The following LHCGR variants were observed in gnomAD, a reference collection of about 807,000 sequenced individuals.
LHCGR encodes lutropin-choriogonadotropic hormone receptor.
Under a neutral mutation model 60.7 loss-of-function variants are expected in LHCGR, and 55 were observed. The observed-to-expected ratio is 0.91, with a 90% CI of 0.73 to 1.13. The LOEUF (loss-of-function observed/expected upper bound fraction) is 1.13, where lower values mean the gene tolerates loss of function less well. Ranked by LOEUF, LHCGR falls within the 50% of genes most tolerant of loss-of-function variation. The probability of loss-of-function intolerance (pLI) is 0.00; values close to 1 mark genes in which losing one functional copy is unlikely to be tolerated. For missense variants in LHCGR, 862 were observed against 836.0 expected (o/e 1.03, Z -0.38); for synonymous variants, 337 against 316.5 (o/e 1.06, Z -0.69).
chr2:48,750,758 G>A (rs143404929), intron 1 of LHCGR, among the ~76,000 whole-genome samples: 1 of 152,282 alleles, frequency 6.6e-6, no homozygotes, highest in African/African-American at 2.4e-5. Context: ...TTCTTCAGGT[G>A]GTTCTTACTC....
At chr2:48,725,884 G>A (rs929893807) in intron 3 of LHCGR, 134 bp from the exon 4 acceptor site, 1 of 744,372 alleles carries the variant, frequency 1.3e-6, no homozygotes, top group East Asian at 2.6e-5. Flanking sequence ...ATATGCTTGG[G>A]AGGACCCCTA....
chr2:48,728,464 T>G (rs933727220), intron 3 of LHCGR, among the ~76,000 whole-genome samples: 1 of 152,174 alleles, frequency 6.6e-6, no homozygotes, highest in African/African-American at 2.4e-5. Context: ...AAAGCAGCAG[T>G]AGGGGGCCTG....
At chr2:48,729,351 A>G (rs1668885070) in intron 2 of LHCGR, 124 bp from the exon 3 acceptor site, 1 of 772,494 alleles carries the variant, frequency 1.3e-6, no homozygotes, top group Non-Finnish European at 2.3e-6. Flanking sequence ...TGAAAAGAAC[A>G]AAGATGTGCA....
Position 48,698,814 on chromosome 2 carries a change from G to A in LHCGR, c.681-14C>T, listed in dbSNP as rs760025072. On this transcript the variant is annotated splice_polypyrimidine_tract_variant and intron_variant, in intron 8 of 10. Transcript: ENST00000294954. ...GAAGAAATATCCCTGAACAATAAAG[G>A]GGAGAAATGCTTTTTATTTATTTAT... The A allele has an allele frequency of 6.2e-7, 1 of 1,602,148 alleles. No individual in the cohort carries two copies. Among genetic ancestry groups the A allele is most frequent in the East Asian group, 2.2e-5 (1 of 44,712 alleles).
chr2:48,699,507 C>G (rs1305663333), intron 8 of LHCGR, among the ~76,000 whole-genome samples: 1 of 152,176 alleles, frequency 6.6e-6, no homozygotes, highest in Non-Finnish European at 1.5e-5. Flanking sequence ...CTTTTGTGCT[C>G]TACCCCAGGG....
At position 48,694,962 on chromosome 2, in the gene LHCGR, C is replaced by G. The variant is rs180843022; in HGVS notation, c.867-658G>C. Among the ~76,000 whole-genome samples the G allele has an allele frequency of 1.2e-3, 185 of 152,120 alleles. 1 individual carries two copies. The highest frequency in any genetic ancestry group is 2.2e-3 in the Non-Finnish European group (152 of 67,934). On this transcript the variant is annotated intron_variant, in intron 9 of 10. Transcript: ENST00000294954. Reference sequence around the variant, plus strand: ...ATAAAGAAATAGGGTATAAGCATTCCCTTTTCTTCCACAGCCTTGCCAGCA... The same window carrying G: ...ATAAAGAAATAGGGTATAAGCATTCGCTTTTCTTCCACAGCCTTGCCAGCA...
intron 1 of LHCGR, among the ~76,000 whole-genome samples, chr2:48,751,328 T>A (rs1035010732): frequency 1.3e-5 from 2 of 152,224 alleles, no homozygotes; most frequent in Non-Finnish European, 1.5e-5. Context: ...TAAGAAATAT[T>A]TCCCCCCCAG....
chr2:48,698,534 G>A, intron 9 of LHCGR, 81 bp downstream of exon 9: 1 of 1,118,828 alleles, frequency 8.9e-7, no homozygotes, highest in Non-Finnish European at 1.4e-6. Flanking sequence ...AAGGGGAGTG[G>A]AGCTGTCTAC....
intron 4 of LHCGR, among the ~76,000 whole-genome samples, chr2:48,724,220 A>G (rs1490373873): frequency 6.6e-6 from 1 of 152,202 alleles, no homozygotes; most frequent in Non-Finnish European, 1.5e-5. Context: ...ATCTCATTGA[A>G]ATCACTAAAC....
intron 1 of LHCGR, among the ~76,000 whole-genome samples, chr2:48,748,944 G>T (rs1352704570): frequency 6.6e-6 from 1 of 152,148 alleles, no homozygotes; most frequent in African/African-American, 2.4e-5. Context: ...GACTGCATTG[G>T]ACCCTACCCT....
chr2:48,745,041 G>A (rs1669635150), intron 1 of LHCGR, among the ~76,000 whole-genome samples: 1 of 152,110 alleles, frequency 6.6e-6, no homozygotes, highest in Non-Finnish European at 1.5e-5. Context: ...CGAAGGACAT[G>A]AACAGACACT....
At chr2:48,749,585 A>G (rs1356409511) in intron 1 of LHCGR, among the ~76,000 whole-genome samples, 1 of 152,146 alleles carries the variant, frequency 6.6e-6, no homozygotes, top group East Asian at 1.9e-4. Flanking sequence ...GGGAGATTAT[A>G]TTTTGGAAAG....
At chr2:48,694,924 G>A (rs1667041966) in intron 9 of LHCGR, among the ~76,000 whole-genome samples, 1 of 152,098 alleles carries the variant, frequency 6.6e-6, no homozygotes. Flanking sequence ...AAATTTAAGG[G>A]AGATACAAAT....
At chr2:48,724,999 C>T (rs972886700) in intron 4 of LHCGR, among the ~76,000 whole-genome samples, 28 of 151,936 alleles carry the variant, frequency 1.8e-4, no homozygotes, top group South Asian at 1.0e-3. Context: ...TTTAGGGAGA[C>T]GCAAATTTTT....
intron 6 of LHCGR, among the ~76,000 whole-genome samples, chr2:48,722,000 A>T (rs1482874037): frequency 1.3e-5 from 2 of 152,180 alleles, no homozygotes; most frequent in Non-Finnish European, 2.9e-5. Flanking sequence ...AAATACAAAA[A>T]TTAGCTGGGT....
intron 1 of LHCGR, among the ~76,000 whole-genome samples, chr2:48,752,815 C>T (rs1278454686): frequency 2.6e-5 from 4 of 151,980 alleles, no homozygotes; most frequent in Non-Finnish European, 5.9e-5. Context: ...AACATTCCTC[C>T]CTCATTCCCT....
Position 48,698,658 on chromosome 2 carries a change from A to G in LHCGR, c.823T>C (p.Tyr275His), listed in dbSNP as rs1373454945. The G allele has an allele frequency of 5.0e-6, 8 of 1,614,140 alleles. No homozygotes were observed. In the East Asian group the frequency reaches 1.8e-4, roughly 36 times the overall value. The change falls in exon 9 of 11, where the codon TAC becomes CAC. Residue 275 changes from tyrosine (Y) to histidine (H), a missense_variant. Transcript: ENST00000294954. ...FVNLLEATLT[Y>H]PSHCCAFRNL... ...CTAAAAGCACAGCAGTGGCTGGGGTAAGTCAACGTGGCCTCCAGGAGATTG... is the reference window on the plus strand; with the variant it reads ...CTAAAAGCACAGCAGTGGCTGGGGTGAGTCAACGTGGCCTCCAGGAGATTG...
chr2:48,745,763 G>A (rs1469555994), intron 1 of LHCGR, among the ~76,000 whole-genome samples: 2 of 151,424 alleles, frequency 1.3e-5, no homozygotes, highest in Non-Finnish European at 2.9e-5. Flanking sequence ...GAGTTAGTGG[G>A]TGCAGCGCAC....
chr2:48,746,826 C>T (rs1304941034), intron 1 of LHCGR, among the ~76,000 whole-genome samples: 1 of 152,158 alleles, frequency 6.6e-6, no homozygotes, highest in Non-Finnish European at 1.5e-5. Context: ...TATAACATGA[C>T]AAGAATAACT....
Sources: allele counts gnomAD v4.1 joint callset (sites outside exome capture counted in the v4.1 genomes callset), GRCh38; gene constraint gnomAD v4.1.1; transcripts MANE v1.5; gene names NCBI Gene and HGNC (gene_info 2026-07-23, HGNC 2026-07-21).